The following CFAP54 variants were observed in gnomAD, a reference collection of about 807,000 sequenced individuals.
The protein encoded by CFAP54 is cilia and flagella associated protein 54.
Under a neutral mutation model 370.4 loss-of-function variants are expected in CFAP54, and 290 were observed. The ratio of observed to expected loss-of-function variants is 0.78; its 90% CI spans 0.71 to 0.86. The LOEUF (loss-of-function observed/expected upper bound fraction) is 0.86. Among genes scored for constraint, CFAP54 ranks in the 40% least tolerant of loss-of-function variants. The pLI is 0.00. For missense variants in CFAP54, 3,399 were observed against 3,528.7 expected (o/e 0.96, Z 0.93); for synonymous variants, 1,206 against 1,236.5 (o/e 0.98, Z 0.52).
chr12:96,719,901 C>T (rs1026359441), intron 49 of CFAP54, among the ~76,000 whole-genome samples: 9 of 152,214 alleles, frequency 5.9e-5, no homozygotes, highest in South Asian at 2.1e-4. Flanking sequence ...GTTAGATAAG[C>T]TTCCTTCAGA....
In CFAP54 at chr12:96,594,394, G is replaced by T. The variant is rs1352365587; in HGVS notation, c.3464G>T (p.Gly1155Val). Reference sequence around the variant, plus strand: ...CTTCAAGCTGTGACTCAATGTTATGGACTTCTTGCTCCCATAATTTATCAC... The same window carrying T: ...CTTCAAGCTGTGACTCAATGTTATGTACTTCTTGCTCCCATAATTTATCAC... Reference protein sequence around the residue: ...YALQAVTQCYGLLAPIIYHNI... With the variant: ...YALQAVTQCYVLLAPIIYHNI... The change falls in exon 25 of 68, where the codon GGA becomes GTA. Residue 1155 changes from glycine to valine, a missense_variant. Physicochemically the swap from Gly to Val is moderately radical, Grantham distance 109. Coordinates refer to ENST00000524981, the MANE Select transcript of CFAP54 (RefSeq NM_001306084.2). The T allele has an allele frequency of 1.3e-6, 2 of 1,534,056 alleles. No homozygotes were observed. The highest frequency in any genetic ancestry group is 1.7e-6 in the Non-Finnish European group (2 of 1,145,558).
Position 96,580,514 on chromosome 12 carries a change from C to T in CFAP54, c.2797-83C>T, listed in dbSNP as rs1368578932. The T allele has an allele frequency of 5.7e-6, 4 of 707,124 alleles. No individual in the cohort carries two copies. The East Asian group carries it at 1.3e-4, about 22-fold the overall frequency. 43.8% of individuals were successfully genotyped at this position (707,124 alleles called of 1,614,324 possible). On this transcript the variant is annotated intron_variant, in intron 20 of 67. Coordinates refer to ENST00000524981, the MANE Select transcript of CFAP54 (RefSeq NM_001306084.2). ...TCATGTTTTAAAACCTGAATCATTA[C>T]ATTTTTATTTAGAAAAGTATTTTTT...
At chr12:96,788,674 T>TA (rs574627472) in intron 62 of CFAP54, among the ~76,000 whole-genome samples, 2,088 of 151,852 alleles carry the variant, frequency 0.014, 23 homozygotes, top group Non-Finnish European at 0.023. Context: ...TTTTTTTTTT[T>TA]AAAAATCACT....
chr12:96,761,550 C>G (rs1471700016), intron 58 of CFAP54, among the ~76,000 whole-genome samples: 1 of 151,948 alleles, frequency 6.6e-6, no homozygotes, highest in Admixed American at 6.6e-5. Context: ...ATCTAGCACC[C>G]TTTGTCTAAC....
chr12:96,723,914 T>TGAG (rs1439819451), intron 50 of CFAP54, among the ~76,000 whole-genome samples: 1 of 146,760 alleles, frequency 6.8e-6, no homozygotes, highest in Non-Finnish European at 1.5e-5. Context: ...CATCTATGAG[T>TGAG]GAGAACATGC....
In CFAP54 at chr12:96,644,212, C is replaced by A; in HGVS notation, c.4351C>A (p.Arg1451=). ...AACCAGTGTTAGGAAAGCAGCACAA[C>A]GATACCTGATGGATTACTTGAATCC... ...RRTSVRKAAQ[R]YLMDYLNPLI... The change falls in exon 33 of 68, where the codon CGA becomes AGA. Residue 1451 remains arginine, a synonymous_variant. Transcript: ENST00000524981. 6.5e-7 allele frequency: 1 copy of A among 1,535,800 alleles called. No individual in the cohort carries two copies. Among genetic ancestry groups the A allele is most frequent in the Non-Finnish European group, 8.7e-7 (1 of 1,146,662 alleles).
Position 96,685,211 on chromosome 12 carries a change from G to A in CFAP54, c.5987G>A (p.Gly1996Glu), listed in dbSNP as rs774292976. 1 of 1,614,058 alleles carries A rather than the reference G, an allele frequency of 6.2e-7. No individual in the cohort carries two copies. The highest frequency in any genetic ancestry group is 8.5e-7 in the Non-Finnish European group (1 of 1,179,994). The change falls in exon 42 of 68, where the codon GGA becomes GAA. Residue 1996 changes from glycine to glutamate, a missense_variant. Transcript: ENST00000524981. The stretch of plus-strand genomic sequence containing the variant: ...GTTGGCATCTGGGGGTGTTTGCAAG[G>A]AGCAGTCATATCAGCAAAGATAGCA... ...SRVGIWGCLQ[G>E]AVISAKIAQF...
chr12:96,581,086 C>A lies in CFAP54; in HGVS notation c.3056C>A (p.Ala1019Asp). Residue 1019 changes from alanine (A) to aspartate (D), a missense_variant, in exon 22 of 68, where the codon GCT (alanine) becomes GAT (aspartate). Physicochemically the swap from Ala to Asp is moderately radical, Grantham distance 126 (BLOSUM62 -2). This residue lies in a region of CFAP54 where 2,796 missense variants were observed against 2,869.7 expected (regional missense o/e 0.97). Coordinates refer to ENST00000524981, the MANE Select transcript of CFAP54 (RefSeq NM_001306084.2). ...LVYPPLSTIT[A>D]RMFLTQVAYQ... ...TATCCCCCTCTTTCTACTATTACTG[C>A]TCGGATGTTCCTGACACAGGTAGAA... 6.7e-7 allele frequency: 1 copy of A among 1,502,574 alleles called. No homozygotes were observed. The highest frequency in any genetic ancestry group is 8.8e-7 in the Non-Finnish European group (1 of 1,131,806). The allele number at this position is 1,502,574 out of a possible 1,614,324, so 93.1% of individuals were successfully genotyped here. A position where few individuals can be genotyped will look rare whatever the true frequency, so the allele number is the denominator to read the frequency against.
chr12:96,684,064 T>G (rs937550817), intron 40 of CFAP54, among the ~76,000 whole-genome samples: 5 of 152,204 alleles, frequency 3.3e-5, no homozygotes, highest in Non-Finnish European at 5.9e-5. Context: ...AGTGCTAGGA[T>G]TATAGGCATG....
rs1565934098 is a variant in CFAP54, at chr12:96,664,688, GGTATATATCTATAT to G, written c.5563+757_5563+770del. Among the ~76,000 whole-genome samples the G allele has an allele frequency of 6.6e-4, 59 of 88,840 alleles. 1 individual carries two copies. Among genetic ancestry groups the G allele is most frequent in the African/African-American group, 2.8e-3 (55 of 19,414 alleles). 58.3% of individuals were successfully genotyped at this position (88,840 alleles called of 152,430 possible). A position where few individuals can be genotyped will look rare whatever the true frequency, so the allele number is the denominator to read the frequency against. On this transcript the variant is annotated intron_variant, in intron 39 of 67. Transcript: ENST00000524981. ...TAATAGAACAATTTATATTCCTTTG[GGTATATATCTATAT>G]ATATATATATATCTATATATATCTA...
At chr12:96,691,440 A>G in intron 44 of CFAP54, 130 bp downstream of exon 44, 1 of 550,786 alleles carries the variant, frequency 1.8e-6, no homozygotes, top group Non-Finnish European at 3.0e-6. Context: ...TATATGTGGG[A>G]TTCTTACTTA....
chr12:96,610,410 G>T (rs552595561), intron 26 of CFAP54, among the ~76,000 whole-genome samples: 1 of 151,446 alleles, frequency 6.6e-6, no homozygotes, highest in Non-Finnish European at 1.5e-5. Flanking sequence ...AGGGAGTTAT[G>T]GGGGGGTGGG....
At chr12:96,763,745 C>T (rs1958364340) in intron 58 of CFAP54, among the ~76,000 whole-genome samples, 1 of 152,130 alleles carries the variant, frequency 6.6e-6, no homozygotes, top group African/African-American at 2.4e-5. Context: ...TGTCATTGCA[C>T]TCCAGCCTGT....
At chr12:96,601,385 G>A (rs1222317467) in intron 26 of CFAP54, among the ~76,000 whole-genome samples, 3 of 152,244 alleles carry the variant, frequency 2.0e-5, no homozygotes, top group East Asian at 3.9e-4. Flanking sequence ...TTTTCACATC[G>A]ATGTTCATCA....
intron 38 of CFAP54, 112 bp from the exon 39 acceptor site, chr12:96,663,718 G>C: frequency 5.7e-6 from 4 of 704,818 alleles, no homozygotes; most frequent in Middle Eastern, 4.1e-4. Context: ...TTGTAGCATT[G>C]TTATGTATCT....
chr12:96,725,438 A>G (rs1253690365), intron 50 of CFAP54, among the ~76,000 whole-genome samples: 1 of 152,058 alleles, frequency 6.6e-6, no homozygotes, highest in Non-Finnish European at 1.5e-5. Context: ...CTTTGAAGCA[A>G]TTGTGAATGG....
rs1958612653 is a variant in CFAP54 at position 96,784,737 on chromosome 12, C to T, written c.8302C>T (p.Gln2768Ter). The part of the protein sequence containing the change: ...YLLDNYQVLF[Q>*]TSCTFLYQND... ...TTCAGACAACTACCAAGTCCTCTTCCAGACTTCCTGTACATTTTTGTACCA... is the reference window on the plus strand; with the variant it reads ...TTCAGACAACTACCAAGTCCTCTTCTAGACTTCCTGTACATTTTTGTACCA... Residue 2768 changes from glutamine (Q) to a stop codon, truncating the protein, a stop_gained, in exon 61 of 68, where the codon CAG becomes TAG. Transcript: ENST00000524981. LOFTEE classifies it high-confidence loss of function. 2 of 1,523,994 alleles carry T rather than the reference C, an allele frequency of 1.3e-6. No homozygotes were observed. The highest frequency in any genetic ancestry group is 2.8e-5 in the African/African-American group (2 of 72,458). 94.4% of individuals were successfully genotyped at this position (1,523,994 alleles called of 1,614,324 possible). A position where few individuals can be genotyped will look rare whatever the true frequency, so the allele number is the denominator to read the frequency against.
chr12:96,793,727 G>T (rs1014150889), intron 63 of CFAP54, among the ~76,000 whole-genome samples: 1 of 151,884 alleles, frequency 6.6e-6, no homozygotes, highest in Non-Finnish European at 1.5e-5. Flanking sequence ...ATTATTTTTT[G>T]ATTTTTTGAT....
chr12:96,554,792 C>A lies in CFAP54; in HGVS notation c.2400C>A (p.Asp800Glu). ...ATCGAATAGCTGTTGTGCTTCTGGACAAATTGCAAGGTAGTAGTCACTAAA... is the reference window on the plus strand; with the variant it reads ...ATCGAATAGCTGTTGTGCTTCTGGAAAAATTGCAAGGTAGTAGTCACTAAA... ...AQHRIAVVLL[D>E]KLQVLQTPTV... Residue 800 changes from aspartate (D) to glutamate (E), a missense_variant, in exon 17 of 68, where the codon GAC (aspartate) becomes GAA (glutamate). Asp to Glu is a conservative substitution (Grantham distance 45). Coordinates refer to ENST00000524981, the MANE Select transcript of CFAP54 (RefSeq NM_001306084.2). 1 of 1,533,550 alleles carries A rather than the reference C, an allele frequency of 6.5e-7. No homozygotes were observed. Among genetic ancestry groups the A allele is most frequent in the Non-Finnish European group, 8.7e-7 (1 of 1,145,330 alleles). 95.0% of individuals were successfully genotyped at this position (1,533,550 alleles called of 1,614,324 possible).
Sources: allele counts gnomAD v4.1 joint callset (sites outside exome capture counted in the v4.1 genomes callset), GRCh38; gene constraint gnomAD v4.1.1; regional missense constraint gnomAD v4.1.1; transcripts MANE v1.5; gene names NCBI Gene and HGNC (gene_info 2026-07-23, HGNC 2026-07-21).